The following NCR3 variants were observed in gnomAD, a reference collection of about 807,000 sequenced individuals.
NCR3 encodes NK-p30.
NCR3 carries 13 observed loss-of-function variants against 16.1 expected under a neutral mutation model. That is an observed-to-expected ratio of 0.81 (90% CI 0.53 to 1.28). NCR3 has a LOEUF of 1.28. NCR3 is among the 50% of genes most tolerant of loss of function. The pLI is 0.00. For synonymous variants in NCR3, 98 were observed against 106.6 expected (o/e 0.92, Z 0.50); for missense variants, 202 against 256.8 (o/e 0.79, Z 1.46).
Position 31,590,244 on chromosome 6 carries a change from A to G in NCR3, c.44-118T>C, listed in dbSNP as rs1219008441. The G allele has an allele frequency of 6.5e-6, 5 of 766,536 alleles. No homozygotes were observed. In the African/African-American group the frequency reaches 1.2e-4, roughly 18 times the overall value. The allele number at this position is 766,536 out of a possible 1,614,324, so 47.5% of individuals were successfully genotyped here. On this transcript the variant is annotated intron_variant, in intron 1 of 3. Transcript: ENST00000340027. ...CCAGGCATAGGGTGCATGGGAATAG[A>G]TACTTTGGGTGCCTCATTAAACCCT...
At position 31,592,941 on chromosome 6, in the gene NCR3, G is replaced by A. The variant is rs1469960980; in HGVS notation, c.-220C>T. 9.9e-6 allele frequency: 6 copies of A among 606,002 alleles called. No individual in the cohort carries two copies. Among genetic ancestry groups the A allele is most frequent in the South Asian group, 1.9e-5 (1 of 52,506 alleles). 37.5% of individuals were successfully genotyped at this position (606,002 alleles called of 1,614,324 possible). A position where few individuals can be genotyped will look rare whatever the true frequency, so the allele number is the denominator to read the frequency against. ...TGAGGAGAGAGGACAGATGCTGCTG[G>A]AGGAGATGTCAGGGTCTCTAGGAGG... On this transcript the variant is annotated 5_prime_UTR_variant, in exon 1 of 4. Transcript: ENST00000340027.
At chr6:31,592,491 G>GGGT (rs766912241) in intron 1 of NCR3, among the ~76,000 whole-genome samples, 188 bp downstream of exon 1, 2 of 151,984 alleles carry the variant, frequency 1.3e-5, no homozygotes, top group Non-Finnish European at 2.9e-5. Flanking sequence ...GCCTCACAGT[G>GGGT]GGTGACACAG....
Position 31,589,888 on chromosome 6 carries a change from G to A in NCR3, c.282C>T (p.His94=). 1.2e-6 allele frequency: 2 copies of A among 1,613,192 alleles called. No homozygotes were observed. Among genetic ancestry groups the A allele is most frequent in the Non-Finnish European group, 1.7e-6 (2 of 1,180,054 alleles). ...CGTCATGGCCTCGCACGTCCCGGAT[G>A]TGCAGCTCAGCCTGGTGGTCATGGA... ...RFLHDHQAEL[H]IRDVRGHDAS... is the part of the protein sequence containing the mutation. Residue 94 remains histidine, a synonymous_variant, in exon 2 of 4, where the codon CAC becomes CAT. Transcript: ENST00000340027. This position sits in a 1 kb window ranked among gnomAD's most constrained non-coding sequence, Gnocchi z 4.8.
At position 31,589,659 on chromosome 6, in the gene NCR3, T is replaced by G. The variant is rs768730036; in HGVS notation, c.389-26A>C. ...CTGCATGGGGCAATGGAGACGGGGG[T>G]TGGGGAAGAAGTGCACACAGGCTCA... On this transcript the variant is annotated intron_variant, in intron 2 of 3. Coordinates refer to ENST00000340027, the MANE Select transcript of NCR3 (RefSeq NM_147130.3). This position sits in a 1 kb window ranked among gnomAD's most constrained non-coding sequence, Gnocchi z 4.8. 2.5e-6 allele frequency: 4 copies of G among 1,611,752 alleles called. No homozygotes were observed. The highest frequency in any genetic ancestry group is 3.4e-6 in the Non-Finnish European group (4 of 1,179,370).
intron 1 of NCR3, among the ~76,000 whole-genome samples, chr6:31,591,540 G>A (rs914348456): frequency 2.6e-5 from 4 of 152,222 alleles, no homozygotes; most frequent in Non-Finnish European, 5.9e-5. Flanking sequence ...TTTCGGCCGG[G>A]TGCAGTGGCT....
chr6:31,592,411 C>CAAA (rs9281528), intron 1 of NCR3, among the ~76,000 whole-genome samples: 1 of 82,370 alleles, frequency 1.2e-5, no homozygotes. Context: ...GACTCAGTCT[C>CAAA]AAAAAAAAAA....
intron 1 of NCR3, among the ~76,000 whole-genome samples, chr6:31,590,836 T>C (rs1364707604): frequency 6.6e-6 from 1 of 152,086 alleles, no homozygotes; most frequent in African/African-American, 2.4e-5. Context: ...CCATCCTTCC[T>C]CTTTTTCTTT....
intron 1 of NCR3, among the ~76,000 whole-genome samples, chr6:31,592,080 T>G (rs1772671543): frequency 6.6e-6 from 1 of 152,092 alleles, no homozygotes; most frequent in South Asian, 2.1e-4. Flanking sequence ...TAAAACCCTG[T>G]CTCTACTAAA....
At chr6:31,591,704 T>C (rs1470642268) in intron 1 of NCR3, among the ~76,000 whole-genome samples, 2 of 151,964 alleles carry the variant, frequency 1.3e-5, no homozygotes, top group Non-Finnish European at 2.9e-5. Context: ...TAATCCTAGC[T>C]ACTTGGGAGG....
Position 31,589,881 on chromosome 6 carries a change from C to A in NCR3, c.289G>T (p.Asp97Tyr). 6.2e-7 allele frequency: 1 copy of A among 1,613,204 alleles called. No homozygotes were observed. Among genetic ancestry groups the A allele is most frequent in the African/African-American group, 1.3e-5 (1 of 75,066 alleles). ...ATGCTGGCGTCATGGCCTCGCACGT[C>A]CCGGATGTGCAGCTCAGCCTGGTGG... ...HDHQAELHIR[D>Y]VRGHDASIYV... The change falls in exon 2 of 4, where the codon GAC becomes TAC. Residue 97 changes from aspartate to tyrosine, a missense_variant. Transcript: ENST00000340027. The surrounding 1 kb of genome is among the most constrained non-coding windows in gnomAD (Gnocchi z 4.8).
At position 31,589,715 on chromosome 6, in the gene NCR3, T is replaced by G. The variant is rs1415693080; in HGVS notation, c.388+67A>C. ...GGAAGGGGCCTCAGAGGAGCATCCCTGCCTCCCAAGGACATTGCCTCTTGG... is the reference window on the plus strand; with the variant it reads ...GGAAGGGGCCTCAGAGGAGCATCCCGGCCTCCCAAGGACATTGCCTCTTGG... On this transcript the variant is annotated intron_variant, in intron 2 of 3. Transcript: ENST00000340027. The surrounding 1 kb of genome is among the most constrained non-coding windows in gnomAD (Gnocchi z 4.8). The G allele has an allele frequency of 6.2e-6, 10 of 1,605,434 alleles. No individual in the cohort carries two copies. The African/African-American group carries it at 1.3e-4, about 21-fold the overall frequency.
At position 31,589,322 on chromosome 6, in the gene NCR3, C is replaced by G; in HGVS notation, c.497-146G>C. The G allele has an allele frequency of 6.4e-7, 1 of 1,552,244 alleles. No individual in the cohort carries two copies. The highest frequency in any genetic ancestry group is 8.7e-7 in the Non-Finnish European group (1 of 1,147,132). On this transcript the variant is annotated intron_variant, in intron 3 of 3. Transcript: ENST00000340027. This position sits in a 1 kb window ranked among gnomAD's most constrained non-coding sequence, Gnocchi z 4.8. ...GTCTTTTGAAGAGGACTAGGGACAT[C>G]TGGGCTCTGGAATCACTCCTCGGGG...
intron 1 of NCR3, among the ~76,000 whole-genome samples, chr6:31,592,044 G>A (rs1304594371): frequency 6.6e-6 from 1 of 152,180 alleles, no homozygotes; most frequent in East Asian, 1.9e-4. Flanking sequence ...GAGGTCAGGA[G>A]TTCAAGACCA....
chr6:31,589,090 G>A lies in NCR3; in HGVS notation c.583C>T (p.Leu195Phe). The A allele has an allele frequency of 6.2e-7, 1 of 1,601,276 alleles. No individual in the cohort carries two copies. The highest frequency in any genetic ancestry group is 8.5e-7 in the Non-Finnish European group (1 of 1,173,032). The change falls in exon 4 of 4, where the codon CTT becomes TTT. Residue 195 changes from leucine (L) to phenylalanine (F), a missense_variant. Physicochemically the swap from Leu to Phe is conservative, Grantham distance 22. Coordinates refer to ENST00000340027, the MANE Select transcript of NCR3 (RefSeq NM_147130.3). This position sits in a 1 kb window ranked among gnomAD's most constrained non-coding sequence, Gnocchi z 4.8. ...GCTCAGCCTCCTGGGACTGGGGGAA[G>A]CAGATGTGCTGAGCTCCCACATGGT... ...PPPCGSSAHLLPPVPGG is the reference protein window; with the variant it reads ...PPPCGSSAHLFPPVPGG
intron 1 of NCR3, among the ~76,000 whole-genome samples, chr6:31,592,280 G>A (rs867025720): frequency 7.9e-4 from 119 of 151,282 alleles, no homozygotes; most frequent in Middle Eastern, 3.4e-3. Context: ...AGGTGTGGTC[G>A]TGCGTGCGTG....
At chr6:31,590,529 G>A (rs1455037840) in intron 1 of NCR3, among the ~76,000 whole-genome samples, 1 of 152,130 alleles carries the variant, frequency 6.6e-6, no homozygotes, top group African/African-American at 2.4e-5. Context: ...TTGAACCCGG[G>A]AGGCAGAGGT....
rs1335156338 is a variant in NCR3 at position 31,589,594 on chromosome 6, C to T, written c.428G>A (p.Arg143Gln). 21 of 1,613,770 alleles carry T rather than the reference C, an allele frequency of 1.3e-5. No individual in the cohort carries two copies. The Admixed American group carries it at 1.5e-4, about 12-fold the overall frequency. The change falls in exon 3 of 4, where the codon CGG (arginine) becomes CAG (glutamine). Residue 143 changes from arginine to glutamine, a missense_variant. Transcript: ENST00000340027. This position sits in a 1 kb window ranked among gnomAD's most constrained non-coding sequence, Gnocchi z 4.8. ...QLGAGTVLLL[R>Q]AGFYAVSFLS... is the part of the protein sequence containing the mutation. ...AAAGCTGACAGCATAGAATCCAGCC[C>T]GAAGGAGGAGGACTGTACCAGCCCC...
intron 1 of NCR3, among the ~76,000 whole-genome samples, chr6:31,590,800 T>C (rs892771945): frequency 6.6e-6 from 1 of 152,122 alleles, no homozygotes; most frequent in African/African-American, 2.4e-5. Context: ...GGTATTATTT[T>C]AGTACAAATG....
Position 31,589,051 on chromosome 6 carries a change from C to G in NCR3, c.*16G>C. 1 of 1,556,768 alleles carries G rather than the reference C, an allele frequency of 6.4e-7. No individual in the cohort carries two copies. The highest frequency in any genetic ancestry group is 8.7e-7 in the Non-Finnish European group (1 of 1,152,874). ...GAGTCATATCTGATCCTTCCCATTT[C>G]TCAGGACAATCAGGCTCAGCCTCCT... On this transcript the variant is annotated 3_prime_UTR_variant, in exon 4 of 4. Transcript: ENST00000340027. The surrounding 1 kb of genome is among the most constrained non-coding windows in gnomAD (Gnocchi z 4.8).
Sources: gnomAD v4.1 joint callset for allele counts (sites outside exome capture counted in the v4.1 genomes callset) on GRCh38, gnomAD v4.1.1 for gene constraint, Gnocchi (gnomAD v3.1) non-coding constraint, MANE v1.5 for transcripts, NCBI Gene and HGNC (gene_info 2026-07-23, HGNC 2026-07-21) for gene names.